Variants in GALNT10 observed in about 807,000 individuals in gnomAD.
The protein encoded by GALNT10 is GalNAc transferase 10.
Under a neutral mutation model 75.0 loss-of-function variants are expected in GALNT10, and 41 were observed. The ratio of observed to expected loss-of-function variants is 0.55; its 90% CI spans 0.43 to 0.71. The LOEUF (loss-of-function observed/expected upper bound fraction) is 0.71, where lower values mean the gene tolerates loss of function less well. Ranked by LOEUF, GALNT10 falls within the 30% of genes least tolerant of loss-of-function variation. The pLI is 0.00. For synonymous variants in GALNT10, 302 were observed against 313.0 expected (o/e 0.96, Z 0.37); for missense variants, 727 against 818.5 (o/e 0.89, Z 1.36).
intron 8 of GALNT10, among the ~76,000 whole-genome samples, chr5:154,405,264 C>A (rs965931309): frequency 6.6e-6 from 1 of 152,118 alleles, no homozygotes; most frequent in Non-Finnish European, 1.5e-5. Context: ...CTGTGACTTA[C>A]AAGGAAAGCC....
At chr5:154,193,845 G>C (rs566333469) in intron 1 of GALNT10, among the ~76,000 whole-genome samples, 1 of 152,322 alleles carries the variant, frequency 6.6e-6, no homozygotes, top group African/African-American at 2.4e-5. Context: ...CTCATCCTGG[G>C]AGTACCTCTG....
chr5:154,196,142 C>CG (rs1774935940), intron 1 of GALNT10, among the ~76,000 whole-genome samples: 1 of 152,132 alleles, frequency 6.6e-6, no homozygotes, highest in African/African-American at 2.4e-5. Flanking sequence ...AGGCTGGTCT[C>CG]GAACTCCCGA....
chr5:154,208,696 T>A (rs543796568), intron 1 of GALNT10, among the ~76,000 whole-genome samples: 8 of 152,166 alleles, frequency 5.3e-5, no homozygotes, highest in Non-Finnish European at 1.2e-4. Flanking sequence ...GAATTATTAG[T>A]CAAGGTTCAG....
chr5:154,253,093 T>C (rs1753552648), intron 1 of GALNT10, among the ~76,000 whole-genome samples: 1 of 151,738 alleles, frequency 6.6e-6, no homozygotes, highest in Non-Finnish European at 1.5e-5. Flanking sequence ...GTTGCCTCGT[T>C]TCTGAGTCTA....
intron 1 of GALNT10, among the ~76,000 whole-genome samples, chr5:154,217,121 T>C (rs1327746450): frequency 6.6e-6 from 1 of 152,214 alleles, no homozygotes; most frequent in Non-Finnish European, 1.5e-5. Flanking sequence ...ATAAATTAGA[T>C]CATCCCTCAA....
intron 1 of GALNT10, among the ~76,000 whole-genome samples, chr5:154,243,257 A>G (rs546871967): frequency 2.3e-4 from 35 of 152,372 alleles, no homozygotes; most frequent in African/African-American, 8.4e-4. Context: ...TCCCTCGGGA[A>G]CAGGGACTAC....
At chr5:154,366,699 T>C (rs1755479328) in intron 4 of GALNT10, among the ~76,000 whole-genome samples, 2 of 152,174 alleles carry the variant, frequency 1.3e-5, no homozygotes, top group Non-Finnish European at 2.9e-5. Flanking sequence ...GAGAAGGAAA[T>C]TGGCTATTTG....
Position 154,271,350 on chromosome 5 carries a change from C to T in GALNT10, c.160-23466C>T, listed in dbSNP as rs564629581. On this transcript the variant is annotated intron_variant, in intron 1 of 11. Transcript: ENST00000297107. ...GCGTGGTGGCGGGTGCCTGTAATCC[C>T]AGACACTTGGGAGGCTGAGACAGGA... 2.6e-5 allele frequency among the ~76,000 whole-genome samples: 4 copies of T among 152,224 alleles called. No homozygotes were observed. The South Asian group carries it at 8.3e-4, about 32-fold the overall frequency.
chr5:154,344,164 A>G (rs750922898), intron 4 of GALNT10, among the ~76,000 whole-genome samples: 1 of 151,344 alleles, frequency 6.6e-6, no homozygotes, highest in South Asian at 2.1e-4. Flanking sequence ...ATCCCAGTCC[A>G]TAAGTTCCTT....
intron 1 of GALNT10, among the ~76,000 whole-genome samples, chr5:154,258,909 A>T (rs185027664): frequency 1.6e-3 from 237 of 151,540 alleles, no homozygotes; most frequent in Middle Eastern, 0.014. Flanking sequence ...AAACTTTTTT[A>T]AAAAAAAACT....
At chr5:154,309,635 G>A (rs959438795) in intron 3 of GALNT10, among the ~76,000 whole-genome samples, 12 of 152,156 alleles carry the variant, frequency 7.9e-5, no homozygotes, top group Non-Finnish European at 1.5e-4. Context: ...CAAGAATGTG[G>A]ATATGAGAAT....
intron 1 of GALNT10, among the ~76,000 whole-genome samples, chr5:154,265,259 GCACATCCCTTCCAGAA>G (rs1178377462): frequency 2.0e-5 from 3 of 152,114 alleles, no homozygotes; most frequent in Non-Finnish European, 4.4e-5. Context: ...GAAAATTTGT[GCACATCCCTTCCAGAA>G]CAAAGGGTGA....
chr5:154,309,303 G>T (rs1243398672), intron 3 of GALNT10, among the ~76,000 whole-genome samples: 1 of 152,160 alleles, frequency 6.6e-6, no homozygotes, highest in Non-Finnish European at 1.5e-5. Context: ...GAGAAGTTAG[G>T]CTGGAGAGGT....
intron 4 of GALNT10, among the ~76,000 whole-genome samples, chr5:154,347,715 A>G (rs1287765219): frequency 1.3e-5 from 2 of 152,176 alleles, no homozygotes; most frequent in African/African-American, 4.8e-5. Context: ...TTCTCATAGA[A>G]CCATTCACTC....
intron 3 of GALNT10, among the ~76,000 whole-genome samples, chr5:154,306,660 G>T (rs1353904942): frequency 6.6e-6 from 1 of 151,884 alleles, no homozygotes; most frequent in Non-Finnish European, 1.5e-5. Flanking sequence ...ACAGAAGAAA[G>T]GATGTGAAAA....
chr5:154,304,388 A>G (rs929842691), intron 3 of GALNT10, among the ~76,000 whole-genome samples: 9 of 152,222 alleles, frequency 5.9e-5, no homozygotes, highest in Admixed American at 4.6e-4. Flanking sequence ...GAAATAAAGC[A>G]TGTTATATAG....
At chr5:154,392,584 A>G (rs1755923636) in intron 7 of GALNT10, 1 of 152,214 alleles carries the variant, frequency 6.6e-6, no homozygotes, top group Non-Finnish European at 1.5e-5. Context: ...ATAGGATCAA[A>G]TGAGATGCTG....
intron 1 of GALNT10, among the ~76,000 whole-genome samples, chr5:154,289,990 A>G (rs1754169537): frequency 6.6e-6 from 1 of 151,984 alleles, no homozygotes; most frequent in South Asian, 2.1e-4. Context: ...AATTCCATGG[A>G]TTGTCCTCAG....
chr5:154,290,091 A>AT lies in GALNT10; in HGVS notation c.160-4707dup, dbSNP rs370050729. Among the ~76,000 whole-genome samples the AT allele has an allele frequency of 4.9e-3, 663 of 135,918 alleles. 7 individuals carry two copies. The highest frequency in any genetic ancestry group is 0.017 in the South Asian group (73 of 4,260). 89.2% of individuals were successfully genotyped at this position (135,918 alleles called of 152,430 possible). On this transcript the variant is annotated intron_variant, in intron 1 of 11. Transcript: ENST00000297107. The stretch of plus-strand genomic sequence containing the variant: ...CCCTTCAGGCTCCATGTACTCTGTA[A>AT]TTTTTTTTTTTTTTTTTTGAGACGG...
Sources: gnomAD v4.1 joint callset for allele counts (sites outside exome capture counted in the v4.1 genomes callset) on GRCh38, gnomAD v4.1.1 for gene constraint, MANE v1.5 for transcripts, NCBI Gene and HGNC (gene_info 2026-07-23, HGNC 2026-07-21) for gene names.